The following CDH13 variants were observed in gnomAD, a reference collection of about 807,000 sequenced individuals.
CDH13 encodes cadherin 13.
Under a neutral mutation model 63.8 loss-of-function variants are expected in CDH13, and 24 were observed. That is an observed-to-expected ratio of 0.38 (90% CI 0.27 to 0.53). The LOEUF (loss-of-function observed/expected upper bound fraction) is 0.53, where lower values mean the gene tolerates loss of function less well. CDH13 is among the 20% of genes least tolerant of loss of function. CDH13 has a pLI of 0.85. For synonymous variants in CDH13, 503 were observed against 355.3 expected (o/e 1.42, Z -4.67); for missense variants, 1,049 against 903.1 (o/e 1.16, Z -2.07).
chr16:82,830,626 T>C (rs1171613125), intron 1 of CDH13, among the ~76,000 whole-genome samples: 1 of 152,242 alleles, frequency 6.6e-6, no homozygotes, highest in Non-Finnish European at 1.5e-5. Context: ...CATTAATTTG[T>C]GTTCTTACCT....
At chr16:83,497,453 C>A (rs1422118868) in intron 7 of CDH13, among the ~76,000 whole-genome samples, 1 of 139,606 alleles carries the variant, frequency 7.2e-6, no homozygotes, top group African/African-American at 2.7e-5. Flanking sequence ...TAGGTGGGAA[C>A]TGAACAGTGA....
chr16:83,434,093 G>C (rs893762237), intron 6 of CDH13, among the ~76,000 whole-genome samples: 35 of 152,118 alleles, frequency 2.3e-4, no homozygotes, highest in Non-Finnish European at 7.4e-5. Context: ...AGAATAAATT[G>C]TCCAAAGTAA....
chr16:82,986,440 A>G (rs1158402647), intron 2 of CDH13, among the ~76,000 whole-genome samples: 1 of 152,200 alleles, frequency 6.6e-6, no homozygotes, highest in African/African-American at 2.4e-5. Context: ...CTAGCTTGCC[A>G]TTTCTCTCAG....
At chr16:83,194,914 C>A (rs762275239) in intron 4 of CDH13, among the ~76,000 whole-genome samples, 2 of 152,130 alleles carry the variant, frequency 1.3e-5, no homozygotes, top group Non-Finnish European at 2.9e-5. Context: ...TGTGCATTCT[C>A]CTGCTTTGAC....
At chr16:83,113,973 T>C (rs1187470226) in intron 3 of CDH13, among the ~76,000 whole-genome samples, 1 of 137,310 alleles carries the variant, frequency 7.3e-6, no homozygotes, top group African/African-American at 3.0e-5. Flanking sequence ...GGGAGAAGAA[T>C]GTTTGTAAAA....
intron 4 of CDH13, among the ~76,000 whole-genome samples, chr16:83,145,182 T>C (rs1052644367): frequency 6.6e-6 from 1 of 152,166 alleles, no homozygotes. Context: ...ATTACAGTGA[T>C]GAGCTGTTTG....
chr16:83,022,062 C>G (rs750876437), intron 2 of CDH13, among the ~76,000 whole-genome samples: 5 of 152,144 alleles, frequency 3.3e-5, no homozygotes, highest in African/African-American at 7.2e-5. Flanking sequence ...TAAAGAGACT[C>G]TGGACTAAGC....
chr16:83,777,503 C>A (rs1214462172), intron 11 of CDH13, among the ~76,000 whole-genome samples: 2 of 152,250 alleles, frequency 1.3e-5, no homozygotes, highest in Non-Finnish European at 2.9e-5. Flanking sequence ...TTTCTGCCTG[C>A]CCCTCTCAGG....
chr16:82,642,404 G>A (rs1909524302), intron 1 of CDH13, among the ~76,000 whole-genome samples: 1 of 152,172 alleles, frequency 6.6e-6, no homozygotes. Flanking sequence ...AATGTATAAT[G>A]CACGCAGTAA....
chr16:82,681,631 C>T (rs963065209), intron 1 of CDH13, among the ~76,000 whole-genome samples: 3 of 152,212 alleles, frequency 2.0e-5, no homozygotes, highest in African/African-American at 4.8e-5. Context: ...GGAGTGGTAG[C>T]GGATGCTCCT....
At chr16:82,838,992 A>G (rs2038891130) in intron 1 of CDH13, among the ~76,000 whole-genome samples, 1 of 152,264 alleles carries the variant, frequency 6.6e-6, no homozygotes, top group Admixed American at 6.5e-5. Flanking sequence ...CTGCCATTGT[A>G]GCATGAAAGC....
intron 7 of CDH13, among the ~76,000 whole-genome samples, chr16:83,542,823 A>G (rs560056255): frequency 2.0e-5 from 3 of 152,252 alleles, no homozygotes; most frequent in Admixed American, 6.5e-5. Context: ...TTATAAGAAC[A>G]CCAATCATAT....
rs76429026 is a variant in CDH13, at chr16:83,684,834, A to G, written c.1538+6373A>G. On this transcript the variant is annotated intron_variant, in intron 10 of 13. Coordinates refer to ENST00000567109, the MANE Select transcript of CDH13 (RefSeq NM_001257.5). ...CTGTGGGGACTAAGTTTGGCTGAAC[A>G]TAACAGGAAAATTCAAAATGACAGT... 1.0e-3 allele frequency among the ~76,000 whole-genome samples: 157 copies of G among 152,320 alleles called. 1 individual carries two copies. In the East Asian group the frequency reaches 0.019, roughly 18 times the overall value.
At chr16:83,042,861 A>G (rs1381789139) in intron 3 of CDH13, among the ~76,000 whole-genome samples, 1 of 152,220 alleles carries the variant, frequency 6.6e-6, no homozygotes, top group African/African-American at 2.4e-5. Flanking sequence ...GAATCTGCAC[A>G]TTTGCTGTGA....
chr16:83,560,909 C>CT (rs1555573431), intron 7 of CDH13, among the ~76,000 whole-genome samples: 1 of 151,942 alleles, frequency 6.6e-6, no homozygotes, highest in Admixed American at 6.6e-5. Flanking sequence ...GCCCCCCCCC[C>CT]GCCCCAGGGG....
intron 7 of CDH13, among the ~76,000 whole-genome samples, chr16:83,525,155 T>A (rs922146898): frequency 6.6e-6 from 1 of 152,188 alleles, no homozygotes; most frequent in Admixed American, 6.5e-5. Context: ...GTTGGCTCTA[T>A]CTGTGCCTCA....
chr16:83,254,889 A>G (rs934790472), intron 5 of CDH13, among the ~76,000 whole-genome samples: 1 of 152,184 alleles, frequency 6.6e-6, no homozygotes, highest in African/African-American at 2.4e-5. Context: ...GCTAGATGAG[A>G]TGCTAAAACT....
chr16:83,292,499 C>T (rs1039316273), intron 5 of CDH13, among the ~76,000 whole-genome samples: 2 of 152,096 alleles, frequency 1.3e-5, no homozygotes, highest in African/African-American at 4.8e-5. Context: ...CAGCTTTGGG[C>T]CACAGCGACA....
intron 2 of CDH13, among the ~76,000 whole-genome samples, chr16:82,940,854 G>C (rs1004996699): frequency 2.0e-5 from 3 of 152,118 alleles, no homozygotes; most frequent in Admixed American, 1.3e-4. Flanking sequence ...ACTCAACCCA[G>C]CTGCAAGCTT....
Sources: allele counts gnomAD v4.1 joint callset (sites outside exome capture counted in the v4.1 genomes callset), GRCh38; gene constraint gnomAD v4.1.1; transcripts MANE v1.5; gene names NCBI Gene and HGNC (gene_info 2026-07-23, HGNC 2026-07-21).